The following NCALD variants were observed in gnomAD, a reference collection of about 807,000 sequenced individuals.
NCALD encodes neurocalcin delta.
A neutral mutation model predicts 18.6 loss-of-function variants in NCALD; 10 were observed. The observed-to-expected ratio is 0.54, with a 90% CI of 0.33 to 0.91. The LOEUF is 0.91. NCALD is among the 40% of genes least tolerant of loss of function. NCALD has a pLI of 0.03. For synonymous variants in NCALD, 88 were observed against 87.4 expected, an observed-to-expected ratio of 1.01 and a Z score of -0.04; for missense variants, 184 against 247.6, an observed-to-expected ratio of 0.74 and a Z score of 1.72.
chr8:102,041,217 C>T (rs896201777), intron 1 of NCALD, among the ~76,000 whole-genome samples: 39 of 152,242 alleles, frequency 2.6e-4, no homozygotes, highest in African/African-American at 7.5e-4. Flanking sequence ...TGACACATGC[C>T]CAATGTCCCC....
chr8:101,768,186 T>TA (rs1295843805), intron 1 of NCALD, among the ~76,000 whole-genome samples: 10 of 152,222 alleles, frequency 6.6e-5, no homozygotes, highest in Admixed American at 2.6e-4. Flanking sequence ...TGAGCTATAA[T>TA]ACATGTTACA....
intron 2 of NCALD, among the ~76,000 whole-genome samples, chr8:101,946,222 T>C (rs1819165828): frequency 6.6e-6 from 1 of 152,200 alleles, no homozygotes; most frequent in Non-Finnish European, 1.5e-5. Flanking sequence ...GATGTTTTTA[T>C]ATAACATTAT....
At chr8:102,081,829 A>G (rs1245086817) in intron 1 of NCALD, among the ~76,000 whole-genome samples, 1 of 152,208 alleles carries the variant, frequency 6.6e-6, no homozygotes, top group Admixed American at 6.5e-5. Flanking sequence ...GCTTTTACCA[A>G]CACAAGCCTA....
At chr8:101,751,792 C>G (rs183962364) in intron 1 of NCALD, among the ~76,000 whole-genome samples, 24 of 152,322 alleles carry the variant, frequency 1.6e-4, no homozygotes, top group Non-Finnish European at 2.4e-4. Flanking sequence ...CGGGAGACAG[C>G]CTGCCCCAAA....
chr8:101,691,128 C>A, intron 3 of NCALD: 1 of 985,344 alleles, frequency 1.0e-6, no homozygotes, highest in Non-Finnish European at 1.2e-6. Context: ...GTGCAGGTGT[C>A]CTCAATCCTG....
intron 1 of NCALD, among the ~76,000 whole-genome samples, chr8:102,109,876 C>T (rs1254683913): frequency 1.3e-5 from 2 of 152,144 alleles, no homozygotes; most frequent in Non-Finnish European, 2.9e-5. Flanking sequence ...CATTCAAAGG[C>T]ATCCTGGAGT....
chr8:101,928,830 T>C (rs188289028), intron 2 of NCALD, among the ~76,000 whole-genome samples: 113 of 152,230 alleles, frequency 7.4e-4, no homozygotes, highest in African/African-American at 2.6e-3. Context: ...GCATTTGTAG[T>C]GAAAGATGAA....
chr8:102,061,213 C>T (rs1823838134), intron 1 of NCALD, among the ~76,000 whole-genome samples: 1 of 152,210 alleles, frequency 6.6e-6, no homozygotes, highest in Admixed American at 6.5e-5. Context: ...GAGAAAGCAT[C>T]AGCTTCTCTC....
intron 1 of NCALD, among the ~76,000 whole-genome samples, chr8:102,030,759 C>T (rs1048893917): frequency 1.3e-5 from 2 of 152,010 alleles, no homozygotes; most frequent in Non-Finnish European, 2.9e-5. Flanking sequence ...GCCTGTAATC[C>T]CAGCTACTTG....
chr8:102,037,224 G>C (rs1253599317), intron 1 of NCALD, among the ~76,000 whole-genome samples: 4 of 152,056 alleles, frequency 2.6e-5, no homozygotes, highest in Non-Finnish European at 5.9e-5. Flanking sequence ...AATTCTATTA[G>C]ATAAGTACTA....
At chr8:101,812,319 A>G (rs552814121) in intron 4 of NCALD, among the ~76,000 whole-genome samples, 13 of 152,304 alleles carry the variant, frequency 8.5e-5, no homozygotes, top group Non-Finnish European at 1.2e-4. Context: ...TAAAGCTTTT[A>G]GGGCCTAAAT....
intron 2 of NCALD, among the ~76,000 whole-genome samples, chr8:101,964,479 C>T (rs773752255): frequency 2.0e-5 from 3 of 152,134 alleles, no homozygotes; most frequent in Admixed American, 6.6e-5. Flanking sequence ...GCTCCACCAA[C>T]TTCACTGCAT....
intron 1 of NCALD, among the ~76,000 whole-genome samples, chr8:102,043,325 T>TTTTTG (rs952357023): frequency 7.2e-5 from 11 of 152,058 alleles, no homozygotes; most frequent in East Asian, 1.9e-4. Context: ...TTTGTTTAGT[T>TTTTTG]TTTTGTTTTG....
chr8:101,763,748 A>G (rs1005093276), intron 1 of NCALD, among the ~76,000 whole-genome samples: 7 of 152,078 alleles, frequency 4.6e-5, no homozygotes, highest in African/African-American at 1.7e-4. Flanking sequence ...CTCCTGCCAA[A>G]TTGCCTTCAA....
intron 1 of NCALD, among the ~76,000 whole-genome samples, chr8:102,116,163 T>G (rs1391851510): frequency 6.6e-6 from 1 of 152,080 alleles, no homozygotes; most frequent in Non-Finnish European, 1.5e-5. Flanking sequence ...ATGTAAATGA[T>G]GAGTTAATGG....
intron 2 of NCALD, among the ~76,000 whole-genome samples, chr8:102,012,651 TG>T (rs1821945818): frequency 6.6e-6 from 1 of 152,252 alleles, no homozygotes; most frequent in Non-Finnish European, 1.5e-5. Flanking sequence ...AGGGATCTAA[TG>T]ATGAATCATG....
chr8:102,008,756 A>G (rs372462018), intron 2 of NCALD, among the ~76,000 whole-genome samples: 1 of 152,132 alleles, frequency 6.6e-6, no homozygotes, highest in African/African-American at 2.4e-5. Flanking sequence ...TCTTTGTCCA[A>G]TTCAGTGTAG....
chr8:102,080,197 T>C (rs1184506533), intron 1 of NCALD, among the ~76,000 whole-genome samples: 1 of 152,192 alleles, frequency 6.6e-6, no homozygotes, highest in Non-Finnish European at 1.5e-5. Flanking sequence ...CAGCCAGCGG[T>C]GTTTGCTATT....
intron 3 of NCALD, among the ~76,000 whole-genome samples, chr8:101,910,970 T>C (rs1424330438): frequency 6.6e-6 from 1 of 152,188 alleles, no homozygotes; most frequent in African/African-American, 2.4e-5. Context: ...TTTCACTGAA[T>C]GCCTCCTTCA....
Sources: gnomAD v4.1 joint callset for allele counts (sites outside exome capture counted in the v4.1 genomes callset) on GRCh38, gnomAD v4.1.1 for gene constraint, MANE v1.5 for transcripts, NCBI Gene and HGNC (gene_info 2026-07-23, HGNC 2026-07-21) for gene names.